Variants in LY96 observed in about 807,000 individuals in gnomAD.
LY96 encodes lymphocyte antigen 96.
In LY96, 18 loss-of-function variants were observed where a neutral mutation model predicts 18.9. That is an observed-to-expected ratio of 0.95 (90% CI 0.66 to 1.41). The LOEUF (loss-of-function observed/expected upper bound fraction) is 1.41, where lower values mean the gene tolerates loss of function less well. LY96 is among the 40% of genes most tolerant of loss of function. The pLI is 0.00. For synonymous variants in LY96, 66 were observed against 62.6 expected (o/e 1.06, Z -0.26); for missense variants, 175 against 182.4 (o/e 0.96, Z 0.23).
At chr8:74,030,265 C>A (rs1816947919), downstream of LY96, among the ~76,000 whole-genome samples, 1 of 152,132 alleles carries the variant, frequency 6.6e-6, no homozygotes, top group Non-Finnish European at 1.5e-5. Flanking sequence ...GTAATCCCAT[C>A]AATTTGGGAG....
intron 1 of LY96, among the ~76,000 whole-genome samples, chr8:73,996,317 T>TTTCCCTCC (rs1816124329): frequency 8.6e-6 from 1 of 116,290 alleles, no homozygotes; most frequent in Non-Finnish European, 1.8e-5. Context: ...ACCTGTTTCT[T>TTTCCCTCC]TTCCTTCCTT....
At chr8:74,026,551 G>T (rs896865305) in intron 3 of LY96, among the ~76,000 whole-genome samples, 7 of 152,160 alleles carry the variant, frequency 4.6e-5, no homozygotes, top group Admixed American at 4.6e-4. Context: ...AGACCAGCAG[G>T]TCTTAATAGT....
chr8:74,027,865 G>C (rs191067849), intron 4 of LY96, among the ~76,000 whole-genome samples: 1 of 152,088 alleles, frequency 6.6e-6, no homozygotes, highest in Non-Finnish European at 1.5e-5. Flanking sequence ...ATCTAAATGG[G>C]TCTGGGTGCT....
chr8:74,097,757 TAAAC>T, the LY96 span, among the ~76,000 whole-genome samples: 17 of 152,058 alleles, frequency 1.1e-4, no homozygotes, highest in African/African-American at 3.6e-4. Flanking sequence ...GATAAATAAA[TAAAC>T]AATGTACTTG....
the LY96 span, among the ~76,000 whole-genome samples, chr8:74,067,516 G>GT: frequency 3.8e-4 from 58 of 151,752 alleles, no homozygotes; most frequent in African/African-American, 1.2e-3. Context: ...CCTTCCATGT[G>GT]TTTTTTTTGT....
the LY96 span, among the ~76,000 whole-genome samples, chr8:74,058,092 C>T: frequency 2.0e-5 from 3 of 152,018 alleles, no homozygotes; most frequent in Admixed American, 2.0e-4. Context: ...ACAAATATGC[C>T]TGGGAGACTC....
intron 1 of LY96, among the ~76,000 whole-genome samples, chr8:74,003,926 C>G (rs1816352905): frequency 6.6e-6 from 1 of 152,176 alleles, no homozygotes; most frequent in Non-Finnish European, 1.5e-5. Context: ...CTCTTTCTCA[C>G]TTCAGGGAGA....
intron 3 of LY96, among the ~76,000 whole-genome samples, chr8:74,016,361 G>C (rs1360992366): frequency 2.6e-5 from 4 of 152,260 alleles, no homozygotes; most frequent in Admixed American, 6.5e-5. Flanking sequence ...AGGCCTGAAA[G>C]CTCGAACTGG....
chr8:74,038,905 C>T, the LY96 span, among the ~76,000 whole-genome samples: 1 of 152,192 alleles, frequency 6.6e-6, no homozygotes, highest in Admixed American at 6.5e-5. Context: ...TACAGTAGCT[C>T]TATTTTTAGT....
chr8:74,030,158 C>G (rs183136591), downstream of LY96, among the ~76,000 whole-genome samples: 3 of 152,240 alleles, frequency 2.0e-5, no homozygotes, highest in Admixed American at 2.0e-4. Context: ...AAATTAGCAG[C>G]AGTTACAAGA....
the LY96 span, among the ~76,000 whole-genome samples, chr8:74,088,085 G>GAAT: frequency 2.4e-5 from 2 of 84,852 alleles, no homozygotes; most frequent in South Asian, 5.2e-4. Context: ...ACTGAGAGAA[G>GAAT]AATAGAATAG....
At chr8:74,045,380 C>T in the LY96 span, among the ~76,000 whole-genome samples, 11 of 152,200 alleles carry the variant, frequency 7.2e-5, no homozygotes, top group Admixed American at 6.5e-4. Context: ...CTGTTCAGTT[C>T]TACTTAACAG....
chr8:74,077,871 G>T, the LY96 span, among the ~76,000 whole-genome samples: 1 of 152,126 alleles, frequency 6.6e-6, no homozygotes, highest in East Asian at 1.9e-4. Context: ...ACTTTGGGAG[G>T]CTGAGGTGGG....
intron 3 of LY96, among the ~76,000 whole-genome samples, chr8:74,014,272 G>A (rs565037818): frequency 2.2e-4 from 33 of 151,492 alleles, no homozygotes; most frequent in African/African-American, 7.5e-4. Flanking sequence ...AAATTAGCTG[G>A]GTGTGGTGGT....
intron 4 of LY96, 26 bp from the exon 5 acceptor site, chr8:74,028,930 C>T: frequency 7.3e-7 from 1 of 1,365,788 alleles, no homozygotes; most frequent in Non-Finnish European, 1.0e-6. Flanking sequence ...TTTTGTATTA[C>T]TTGTATTTCT....
chr8:74,037,267 T>C, the LY96 span, among the ~76,000 whole-genome samples: 1 of 152,180 alleles, frequency 6.6e-6, no homozygotes, highest in Non-Finnish European at 1.5e-5. Flanking sequence ...TGGACAATCA[T>C]CTGATGACCA....
chr8:74,087,049 G>T, the LY96 span, among the ~76,000 whole-genome samples: 1 of 152,156 alleles, frequency 6.6e-6, no homozygotes, highest in Non-Finnish European at 1.5e-5. Flanking sequence ...GAATACCTCT[G>T]GGTGAAAGAA....
the LY96 span, among the ~76,000 whole-genome samples, chr8:74,049,287 A>G: frequency 2.6e-5 from 4 of 152,102 alleles, no homozygotes; most frequent in Admixed American, 6.6e-5. Context: ...CATGCTTGAC[A>G]CTCCAGCCAG....
At chr8:73,998,266 G>A (rs961690785) in intron 1 of LY96, among the ~76,000 whole-genome samples, 13 of 152,120 alleles carry the variant, frequency 8.5e-5, no homozygotes, top group African/African-American at 3.1e-4. Context: ...AACTACAAGG[G>A]TTTTAGGATC....
Sources: allele counts gnomAD v4.1 joint callset (sites outside exome capture counted in the v4.1 genomes callset), GRCh38; gene constraint gnomAD v4.1.1; transcripts MANE v1.5; gene names NCBI Gene and HGNC (gene_info 2026-07-23, HGNC 2026-07-21).